Variants in PIAS1 observed in about 807,000 individuals in gnomAD.
PIAS1 encodes protein inhibitor of activated STAT 1.
PIAS1 carries 6 observed loss-of-function variants against 71.3 expected under a neutral mutation model. The ratio of observed to expected loss-of-function variants is 0.08; its 90% CI spans 0.05 to 0.17. PIAS1 has a LOEUF of 0.17. PIAS1 is among the 10% of genes least tolerant of loss of function. PIAS1 has a pLI of 1.00. For missense variants in PIAS1, 555 were observed against 793.6 expected, an observed-to-expected ratio of 0.70 and a Z score of 3.61; for synonymous variants, 303 against 292.9, an observed-to-expected ratio of 1.03 and a Z score of -0.35.
chr15:68,076,236 C>T (rs528984485), intron 1 of PIAS1, among the ~76,000 whole-genome samples: 6 of 152,164 alleles, frequency 3.9e-5, no homozygotes, highest in South Asian at 2.1e-4. Flanking sequence ...TCAGGCTGGG[C>T]GCGGTGGCTC....
At chr15:68,138,658 A>G (rs891959743) in intron 2 of PIAS1, among the ~76,000 whole-genome samples, 4 of 152,138 alleles carry the variant, frequency 2.6e-5, no homozygotes. Context: ...TATTTTTGGT[A>G]GAGACAGGGT....
At chr15:68,149,326 C>CTTT (rs562772014) in intron 6 of PIAS1, among the ~76,000 whole-genome samples, 1 of 127,544 alleles carries the variant, frequency 7.8e-6, no homozygotes, top group African/African-American at 2.8e-5. Flanking sequence ...TCCTGCATTA[C>CTTT]TTTTTTTTTT....
At chr15:68,130,047 AG>A (rs1273147587) in intron 2 of PIAS1, among the ~76,000 whole-genome samples, 3 of 152,122 alleles carry the variant, frequency 2.0e-5, no homozygotes, top group African/African-American at 2.4e-5. Flanking sequence ...GTTCATTTTG[AG>A]GGGGGGAAGC....
At chr15:68,072,413 AAAAAAAAAAAAAAAAG>A (rs1369866932) in intron 1 of PIAS1, among the ~76,000 whole-genome samples, 4 of 149,434 alleles carry the variant, frequency 2.7e-5, no homozygotes, top group Non-Finnish European at 6.0e-5. Context: ...AAAAAAAAAA[AAAAAAAAAAAAAAAAG>A]AGTTATGGGA....
intron 2 of PIAS1, among the ~76,000 whole-genome samples, chr15:68,099,671 T>G (rs12592138): frequency 2.6e-5 from 4 of 151,318 alleles, no homozygotes; most frequent in African/African-American, 9.8e-5. Context: ...TATGGGTTTT[T>G]GGGGGTTTTT....
intron 1 of PIAS1, among the ~76,000 whole-genome samples, chr15:68,078,058 C>A (rs183926519): frequency 1.4e-4 from 21 of 152,224 alleles, no homozygotes; most frequent in African/African-American, 5.1e-4. Flanking sequence ...ATTGCAAATG[C>A]AGTGTTTTGT....
At chr15:68,097,607 A>G (rs1028516313) in intron 2 of PIAS1, among the ~76,000 whole-genome samples, 1 of 151,830 alleles carries the variant, frequency 6.6e-6, no homozygotes, top group African/African-American at 2.4e-5. Context: ...TAATTTTTGT[A>G]TTTTTATTAA....
chr15:68,064,725 C>A (rs2091998228), intron 1 of PIAS1, among the ~76,000 whole-genome samples: 1 of 152,054 alleles, frequency 6.6e-6, no homozygotes, highest in Admixed American at 6.6e-5. Context: ...GCTAGATTTC[C>A]TTTATATTCT....
At chr15:68,181,425 G>A (rs1254770091) in intron 12 of PIAS1, 71 bp downstream of exon 12, 30 of 1,464,396 alleles carry the variant, frequency 2.0e-5, no homozygotes, top group African/African-American at 2.8e-5. Context: ...TTCTCTTCTA[G>A]GTGAATCTAA....
rs149089040 is a variant in PIAS1, at chr15:68,141,185, C to T, written c.470-761C>T. Among the ~76,000 whole-genome samples, 928 of 152,110 alleles carry T rather than the reference C, an allele frequency of 6.1e-3. 4 individuals carry two copies. Among genetic ancestry groups the T allele is most frequent in the East Asian group, 0.032 (166 of 5,176 alleles). On this transcript the variant is annotated intron_variant, in intron 2 of 13. Coordinates refer to ENST00000249636, the MANE Select transcript of PIAS1 (RefSeq NM_016166.3). ...CTGTACTCCAGCCTGGGCAACAGAG[C>T]AAGACCCTGTCTCTTAAAAAAGCAA...
At chr15:68,070,713 T>C (rs1024915662) in intron 1 of PIAS1, among the ~76,000 whole-genome samples, 1 of 152,130 alleles carries the variant, frequency 6.6e-6, no homozygotes, top group African/African-American at 2.4e-5. Context: ...ATGATTGATA[T>C]TGATTGCATG....
chr15:68,158,097 G>C (rs142018835), intron 7 of PIAS1, among the ~76,000 whole-genome samples: 1 of 152,148 alleles, frequency 6.6e-6, no homozygotes, highest in East Asian at 1.9e-4. Flanking sequence ...TCATTCCCTT[G>C]CATTTCATGG....
chr15:68,152,877 T>TAA (rs1441420051), intron 6 of PIAS1, among the ~76,000 whole-genome samples: 1 of 149,846 alleles, frequency 6.7e-6, no homozygotes, highest in Non-Finnish European at 1.5e-5. Flanking sequence ...TGATTAACTG[T>TAA]TTTTTTTTGG....
chr15:68,146,805 G>T, intron 6 of PIAS1, 105 bp downstream of exon 6: 1 of 844,458 alleles, frequency 1.2e-6, no homozygotes, highest in Non-Finnish European at 1.9e-6. Flanking sequence ...GCTGCAAAAG[G>T]ATTTATTTTT....
rs562469364 is a variant in PIAS1, at chr15:68,057,576, AGT to A, written c.24+3231_24+3232del. ...AACCATAATTATAAAAGTTACTATG[AGT>A]GTGTCAGTGAATTCTATTGTTATTT... On this transcript the variant is annotated intron_variant, in intron 1 of 13. Coordinates refer to ENST00000249636, the MANE Select transcript of PIAS1 (RefSeq NM_016166.3). 1,775 of 391,538 alleles carry A rather than the reference AGT, an allele frequency of 4.5e-3. 7 individuals carry two copies. Among genetic ancestry groups the A allele is most frequent in the Non-Finnish European group, 6.0e-3 (1,223 of 203,238 alleles). The allele number at this position is 391,538 out of a possible 1,614,324, so 24.3% of individuals were successfully genotyped here.
chr15:68,159,879 AT>A (rs2092913470), intron 7 of PIAS1, among the ~76,000 whole-genome samples: 1 of 152,144 alleles, frequency 6.6e-6, no homozygotes, highest in Non-Finnish European at 1.5e-5. Flanking sequence ...TGATAAGTAT[AT>A]ATGGAAAACA....
chr15:68,125,858 C>T (rs1229297292), intron 2 of PIAS1, among the ~76,000 whole-genome samples: 1 of 152,000 alleles, frequency 6.6e-6, no homozygotes, highest in Admixed American at 6.6e-5. Context: ...TGTTATCATG[C>T]CTGGCTAATT....
intron 2 of PIAS1, among the ~76,000 whole-genome samples, chr15:68,091,504 G>T (rs1028048228): frequency 8.6e-5 from 13 of 151,938 alleles, no homozygotes; most frequent in Admixed American, 4.6e-4. Context: ...CTTGACTCAG[G>T]TAAATTTTCA....
chr15:68,089,507 C>T (rs749672532), intron 2 of PIAS1, among the ~76,000 whole-genome samples: 1 of 152,180 alleles, frequency 6.6e-6, no homozygotes, highest in Non-Finnish European at 1.5e-5. Flanking sequence ...ATTTCTTCCC[C>T]AGCCAGAATC....
Sources: gnomAD v4.1 joint callset for allele counts (sites outside exome capture counted in the v4.1 genomes callset) on GRCh38, gnomAD v4.1.1 for gene constraint, MANE v1.5 for transcripts, NCBI Gene and HGNC (gene_info 2026-07-23, HGNC 2026-07-21) for gene names.